KLF8: variants seen among roughly 807,000 people sequenced by gnomAD.
The protein encoded by KLF8 is Krueppel-like factor 8.
In KLF8, 10 loss-of-function variants were observed where a neutral mutation model predicts 18.2. The ratio of observed to expected loss-of-function variants is 0.55; its 90% confidence interval spans 0.34 to 0.93. The LOEUF is 0.93. Among genes scored for constraint, KLF8 ranks in the 40% least tolerant of loss-of-function variants. KLF8 has a pLI of 0.02. For missense variants in KLF8, 264 were observed against 277.9 expected (o/e 0.95, Z 0.36); for synonymous variants, 109 against 97.3 (o/e 1.12, Z -0.71).
intron 5 of KLF8, among the ~76,000 whole-genome samples, chrX:56,280,053 T>G (rs1288682435): frequency 2.7e-5 from 3 of 111,647 alleles, no homozygotes; most frequent in Non-Finnish European, 5.6e-5. Context: ...TTTGCTTATC[T>G]GCAAAGACCA....
At chrX:56,108,267 C>A in the KLF8 span, among the ~76,000 whole-genome samples, 5 of 111,711 alleles carry the variant, frequency 4.5e-5, no homozygotes, top group Non-Finnish European at 9.4e-5. Flanking sequence ...AGCAGACATC[C>A]TTTTCTTATT....
At chrX:56,183,139 C>G in the KLF8 span, among the ~76,000 whole-genome samples, 1 of 112,086 alleles carries the variant, frequency 8.9e-6, no homozygotes, top group Non-Finnish European at 1.9e-5. Context: ...TTCTGTGCCA[C>G]TTTCATTACC....
the KLF8 span, among the ~76,000 whole-genome samples, chrX:56,120,637 G>C: frequency 2.7e-5 from 3 of 111,490 alleles, no homozygotes; most frequent in Non-Finnish European, 5.7e-5. Context: ...CCAGAAACAT[G>C]CTTTTGGTCA....
chrX:56,006,194 C>T, the KLF8 span, among the ~76,000 whole-genome samples: 65 of 112,469 alleles, frequency 5.8e-4, no homozygotes, highest in Non-Finnish European at 9.6e-4. Context: ...GCCTGGAGTC[C>T]TGCTCCTACT....
the KLF8 span, among the ~76,000 whole-genome samples, chrX:55,912,198 A>G: frequency 1.8e-5 from 2 of 111,645 alleles, no homozygotes; most frequent in African/African-American, 3.3e-5. Flanking sequence ...TGATTGTGAT[A>G]AAACAATCAG....
At chrX:56,281,901 G>A (rs180905691) in intron 5 of KLF8, among the ~76,000 whole-genome samples, 4 of 112,370 alleles carry the variant, frequency 3.6e-5, no homozygotes, top group East Asian at 2.8e-4. Context: ...TTTGAAATAG[G>A]AAAATGGGCC....
At chrX:56,104,039 A>G in the KLF8 span, among the ~76,000 whole-genome samples, 4 of 111,518 alleles carry the variant, frequency 3.6e-5, no homozygotes, top group South Asian at 3.8e-4. Flanking sequence ...TGTTGAACCA[A>G]CCTTGCATCC....
At chrX:56,102,567 A>G in the KLF8 span, among the ~76,000 whole-genome samples, 2 of 111,101 alleles carry the variant, frequency 1.8e-5, no homozygotes, top group African/African-American at 3.3e-5. Flanking sequence ...CATTTTAACA[A>G]TATTGGTTCT....
the KLF8 span, among the ~76,000 whole-genome samples, chrX:56,113,016 C>A: frequency 9.1e-6 from 1 of 109,535 alleles, no homozygotes; most frequent in Non-Finnish European, 1.9e-5. Flanking sequence ...AGTTCAAGAC[C>A]AACCTGGCCA....
the KLF8 span, among the ~76,000 whole-genome samples, chrX:55,924,646 C>T: frequency 9.1e-6 from 1 of 110,262 alleles, no homozygotes. Flanking sequence ...CTACTTAATG[C>T]CAGAGACTTT....
At chrX:56,190,970 G>A in the KLF8 span, among the ~76,000 whole-genome samples, 1 of 110,817 alleles carries the variant, frequency 9.0e-6, no homozygotes, top group African/African-American at 3.3e-5. Flanking sequence ...GATAACAAAA[G>A]AAATAAATGA....
At chrX:56,136,136 G>T in the KLF8 span, among the ~76,000 whole-genome samples, 2 of 111,611 alleles carry the variant, frequency 1.8e-5, no homozygotes. Context: ...CCATGCTCAT[G>T]GGTAGGAAGA....
At chrX:55,916,968 G>T in the KLF8 span, among the ~76,000 whole-genome samples, 1 of 111,978 alleles carries the variant, frequency 8.9e-6, no homozygotes, top group East Asian at 2.8e-4. Flanking sequence ...CTTAGACAAT[G>T]TTGAGAGAGA....
At chrX:56,020,787 CTT>C in the KLF8 span, among the ~76,000 whole-genome samples, 1 of 111,718 alleles carries the variant, frequency 9.0e-6, no homozygotes, top group Non-Finnish European at 1.9e-5. Flanking sequence ...TTTAAACACT[CTT>C]ACTGTATTCC....
chrX:56,250,825 C>T (rs964412966), intron 2 of KLF8, among the ~76,000 whole-genome samples: 1 of 111,233 alleles, frequency 9.0e-6, no homozygotes, highest in African/African-American at 3.3e-5. Context: ...AGGGGTAGGC[C>T]GGCAGGCTGG....
At chrX:56,200,406 G>A in the KLF8 span, among the ~76,000 whole-genome samples, 1 of 109,857 alleles carries the variant, frequency 9.1e-6, no homozygotes, top group East Asian at 2.8e-4. Flanking sequence ...ATATTAAATG[G>A]TGTTGGGAAA....
At chrX:56,053,091 T>C in the KLF8 span, among the ~76,000 whole-genome samples, 1 of 112,177 alleles carries the variant, frequency 8.9e-6, no homozygotes, top group Admixed American at 9.4e-5. Flanking sequence ...CCTCTTGCAC[T>C]TCCCAAGTGA....
chrX:55,951,349 G>A, the KLF8 span, among the ~76,000 whole-genome samples: 32 of 108,325 alleles, frequency 3.0e-4, no homozygotes, highest in African/African-American at 1.0e-3. Context: ...GGTGGGGGGC[G>A]CCTGTCATCC....
chrX:56,137,693 G>A, the KLF8 span, among the ~76,000 whole-genome samples: 1 of 107,204 alleles, frequency 9.3e-6, no homozygotes, highest in Admixed American at 1.0e-4. Context: ...CATGGCACAT[G>A]TATACATATG....
Sources: gnomAD v4.1 joint callset for allele counts (sites outside exome capture counted in the v4.1 genomes callset) on GRCh38, gnomAD v4.1.1 for gene constraint, MANE v1.5 for transcripts, NCBI Gene and HGNC (gene_info 2026-07-23, HGNC 2026-07-21) for gene names.